The following DNAH3 variants were observed in gnomAD, a reference collection of about 807,000 sequenced individuals.
The protein encoded by DNAH3 is axonemal beta dynein heavy chain 3.
A neutral mutation model predicts 432.5 loss-of-function variants in DNAH3; 332 were observed. The ratio of observed to expected loss-of-function variants is 0.77; its 90% confidence interval spans 0.70 to 0.84. The LOEUF (loss-of-function observed/expected upper bound fraction) is 0.84, where lower values mean the gene tolerates loss of function less well. Ranked by LOEUF, DNAH3 falls within the 40% of genes least tolerant of loss-of-function variation. DNAH3 has a pLI of 0.00. For synonymous variants in DNAH3, 1,956 were observed against 1,900.2 expected, an observed-to-expected ratio of 1.03 and a Z score of -0.76; for missense variants, 4,861 against 5,114.0, an observed-to-expected ratio of 0.95 and a Z score of 1.51.
intron 21 of DNAH3, among the ~76,000 whole-genome samples, chr16:21,074,107 C>T (rs932970089): frequency 6.6e-6 from 1 of 152,222 alleles, no homozygotes; most frequent in African/African-American, 2.4e-5. Context: ...GGTGAATGAC[C>T]TTCATGCTAG....
At chr16:21,020,348 G>GTGTGTATA in intron 40 of DNAH3, among the ~76,000 whole-genome samples, 26 of 69,150 alleles carry the variant, frequency 3.8e-4, no homozygotes, top group East Asian at 9.4e-4. Flanking sequence ...TATAGTGTGT[G>GTGTGTATA]TATATATATA....
At position 20,935,451 on chromosome 16, in the gene DNAH3, C is replaced by T. The variant is rs144426187; in HGVS notation, c.11894G>A (p.Trp3965Ter). 1.9e-6 allele frequency: 3 copies of T among 1,611,518 alleles called. No homozygotes were observed. The highest frequency in any genetic ancestry group is 2.5e-6 in the Non-Finnish European group (3 of 1,179,512). ...CTGTGTGAAGTAGAATCCAGAGATC[C>T]AAAATACCACAGGGGGCCCCTTGTC... Residue 3965 changes from tryptophan (W) to a stop codon, truncating the protein, a stop_gained, in exon 61 of 62, where the codon TGG becomes TAG. Coordinates refer to ENST00000261383, the Ensembl canonical transcript of DNAH3. LOFTEE classifies it high-confidence loss of function.
rs983974115 is a variant in DNAH3 at position 21,060,245 on chromosome 16, T to C, written c.3813+19A>G. 4.4e-6 allele frequency: 7 copies of C among 1,597,398 alleles called. No homozygotes were observed. Among genetic ancestry groups the C allele is most frequent in the Admixed American group, 1.7e-5 (1 of 59,988 alleles). On this transcript the variant is annotated intron_variant, in intron 26 of 61. Coordinates refer to ENST00000261383, the Ensembl canonical transcript of DNAH3. ...TAGTGCACTAGTGTCCTGGCATGTGTACCCCGGTTCTTGTTTACCTTGACA... is the reference window on the plus strand; with the variant it reads ...TAGTGCACTAGTGTCCTGGCATGTGCACCCCGGTTCTTGTTTACCTTGACA...
At chr16:20,965,346 A>G (rs1157835954) in exon 53 of DNAH3, 2 of 1,597,994 alleles carry the variant, frequency 1.3e-6, no homozygotes, top group African/African-American at 1.3e-5. Context: ...TGTCTTTGTC[A>G]TATGTCTTAA....
intron 51 of DNAH3, among the ~76,000 whole-genome samples, chr16:20,970,754 T>C (rs777641551): frequency 6.6e-5 from 10 of 152,132 alleles, no homozygotes; most frequent in Non-Finnish European, 1.3e-4. Context: ...TTGGAAAGAA[T>C]TGACCAATGT....
chr16:21,034,038 G>A lies in DNAH3; in HGVS notation c.5133C>T (p.Asp1711=), dbSNP rs762882681. 2.5e-5 allele frequency: 41 copies of A among 1,613,612 alleles called. 1 individual carries two copies. Among genetic ancestry groups the A allele is most frequent in the East Asian group, 8.9e-5 (4 of 44,876 alleles). ...AAGCAGAGGTCTTGCCGCCCATGGGGTCTCCTACAATCATATAGCCATGTC... is the reference window on the plus strand; with the variant it reads ...AAGCAGAGGTCTTGCCGCCCATGGGATCTCCTACAATCATATAGCCATGTC... The change falls in exon 36 of 62, where the codon GAC becomes GAT. Residue 1711 remains aspartate (D), a synonymous_variant. Transcript: ENST00000261383.
chr16:20,963,902 G>T, exon 53 of DNAH3: 1 of 1,614,152 alleles, frequency 6.2e-7, no homozygotes, highest in South Asian at 1.1e-5. Flanking sequence ...TGCATGTAGA[G>T]ATTTATGAAC....
intron 25 of DNAH3, among the ~76,000 whole-genome samples, chr16:21,062,057 T>C (rs1299345937): frequency 6.6e-6 from 1 of 152,222 alleles, no homozygotes; most frequent in Non-Finnish European, 1.5e-5. Context: ...GACATATGTA[T>C]GAAAACCTGA....
rs1289442571 is a variant in DNAH3 at position 21,121,026 on chromosome 16, C to A, written c.1585-172G>T. The A allele has an allele frequency of 1.9e-5, 13 of 699,300 alleles. No individual in the cohort carries two copies. The Admixed American group carries it at 2.4e-4, about 13-fold the overall frequency. The allele number at this position is 699,300 out of a possible 1,614,324, so 43.3% of individuals were successfully genotyped here. On this transcript the variant is annotated intron_variant, in intron 10 of 61. Coordinates refer to ENST00000261383, the Ensembl canonical transcript of DNAH3. The stretch of plus-strand genomic sequence containing the variant: ...ATTGCAAAGAGAAGAATGCTTGGGC[C>A]TCCTTGCACTGCAACCTTGAACTCC...
chr16:21,068,553 A>G (rs1370503944), intron 23 of DNAH3, among the ~76,000 whole-genome samples: 1 of 152,158 alleles, frequency 6.6e-6, no homozygotes, highest in Non-Finnish European at 1.5e-5. Context: ...GAACTCAAGC[A>G]ATCCGCCTGC....
At chr16:20,949,338 T>G (rs117369212) in intron 56 of DNAH3, among the ~76,000 whole-genome samples, 1,696 of 125,850 alleles carry the variant, frequency 0.013, 13 homozygotes, top group Middle Eastern at 0.041. Flanking sequence ...AAAAAATAAA[T>G]AAATAAATAA....
In DNAH3 at chr16:21,024,717, G is replaced by A; in HGVS notation, c.5541-16C>T. On this transcript the variant is annotated splice_polypyrimidine_tract_variant and intron_variant, in intron 38 of 61. Coordinates refer to ENST00000261383, the Ensembl canonical transcript of DNAH3. ...CATCCCACACCTGGGAAGCACAGAGGACCAGTTTAGGTGCTCGCTTCTTTG... is the reference window on the plus strand; with the variant it reads ...CATCCCACACCTGGGAAGCACAGAGAACCAGTTTAGGTGCTCGCTTCTTTG... 6.3e-7 allele frequency: 1 copy of A among 1,597,194 alleles called. No individual in the cohort carries two copies.
intron 44 of DNAH3, among the ~76,000 whole-genome samples, chr16:20,991,411 G>A (rs1419381180): frequency 1.3e-5 from 2 of 152,006 alleles, no homozygotes; most frequent in Admixed American, 6.6e-5. Flanking sequence ...TTACAGGCAT[G>A]CACCACCATG....
intron 1 of DNAH3, among the ~76,000 whole-genome samples, chr16:21,147,283 G>A (rs554864984): frequency 1.1e-4 from 16 of 150,894 alleles, no homozygotes; most frequent in Non-Finnish European, 2.2e-4. Context: ...GCAATGGTAC[G>A]ATCTTAGCTC....
chr16:21,067,430 TC>T lies in DNAH3; in HGVS notation c.3382-12del. ...CCTGTTATCTTTCACCTGGGTTCCA[TC>T]AAAAAAAGTGAGACTCATCATAAGG... is the stretch of plus-strand genomic sequence containing the variant. On this transcript the variant is annotated splice_polypyrimidine_tract_variant and intron_variant, in intron 23 of 61. Coordinates refer to ENST00000261383, the Ensembl canonical transcript of DNAH3. 2 of 1,611,898 alleles carry T rather than the reference TC, an allele frequency of 1.2e-6. No individual in the cohort carries two copies. Among genetic ancestry groups the T allele is most frequent in the African/African-American group, 2.7e-5 (2 of 74,728 alleles).
intron 54 of DNAH3, among the ~76,000 whole-genome samples, chr16:20,956,352 G>A (rs775189487): frequency 1.3e-5 from 2 of 152,118 alleles, no homozygotes; most frequent in East Asian, 1.9e-4. Context: ...AACAGTGACC[G>A]CTCTCCTTGC....
At chr16:21,081,791 T>C in intron 19 of DNAH3, 64 bp from the exon 20 acceptor site, 13 of 1,362,292 alleles carry the variant, frequency 9.5e-6, no homozygotes, top group Non-Finnish European at 1.2e-5. Flanking sequence ...TAGAACCTTC[T>C]GTGATGATGG....
At chr16:20,968,775 T>G (rs1450336118) in intron 52 of DNAH3, among the ~76,000 whole-genome samples, 1 of 151,650 alleles carries the variant, frequency 6.6e-6, no homozygotes, top group African/African-American at 2.4e-5. Context: ...TCCCCACTCC[T>G]GCTCCACCCC....
chr16:20,979,551 C>T lies in DNAH3; in HGVS notation c.7860-5G>A, dbSNP rs376538076. 54 of 1,613,802 alleles carry T rather than the reference C, an allele frequency of 3.3e-5. No homozygotes were observed. The African/African-American group carries it at 5.1e-4, about 15-fold the overall frequency. ...TATTTGCACATGGACACGACCCTGC[C>T]GAGGACACCAAGGCGGTTAGGCAGG... On this transcript the variant is annotated splice_region_variant and splice_polypyrimidine_tract_variant and intron_variant, in intron 49 of 61. Coordinates refer to ENST00000261383, the Ensembl canonical transcript of DNAH3.
Sources: allele counts gnomAD v4.1 joint callset (sites outside exome capture counted in the v4.1 genomes callset), GRCh38; gene constraint gnomAD v4.1.1; transcripts MANE v1.5; gene names NCBI Gene and HGNC (gene_info 2026-07-23, HGNC 2026-07-21).